Variants in SYT16 observed in about 807,000 individuals in gnomAD.
The protein encoded by SYT16 is synaptotagmin-16.
SYT16 carries 42 observed loss-of-function variants against 61.4 expected under a neutral mutation model. That is an observed-to-expected ratio of 0.68 (90% CI 0.53 to 0.89). The LOEUF is 0.89. Ranked by LOEUF, SYT16 falls within the 40% of genes least tolerant of loss-of-function variation. The pLI is 0.00. For synonymous variants in SYT16, 314 were observed against 302.3 expected, an observed-to-expected ratio of 1.04 and a Z score of -0.40; for missense variants, 804 against 807.3, an observed-to-expected ratio of 1.00 and a Z score of 0.05.
In SYT16 at chr14:61,863,103, G is replaced by A. The variant is rs143775142; in HGVS notation, c.-325+50293G>A. Among the ~76,000 whole-genome samples the A allele has an allele frequency of 4.2e-3, 635 of 152,264 alleles. 8 individuals are homozygous for A. Among genetic ancestry groups the A allele is most frequent in the African/African-American group, 0.014 (589 of 41,552 alleles). ...AACATTCATGTGCAGTTTTTTGTGT[G>A]GACATATATTTTCACGTCCTTTGGG... On this transcript the variant is annotated intron_variant, in intron 1 of 7. Transcript: ENST00000683842.
At position 61,903,003 on chromosome 14, in the gene SYT16, A is replaced by G. The variant is rs539072513; in HGVS notation, c.-324-67129A>G. Among the ~76,000 whole-genome samples, 8 of 152,326 alleles carry G rather than the reference A, an allele frequency of 5.3e-5. No individual in the cohort carries two copies. The South Asian group carries it at 1.2e-3, about 24-fold the overall frequency. On this transcript the variant is annotated intron_variant, in intron 1 of 7. Transcript: ENST00000683842. Reference sequence around the variant, plus strand: ...ATTTGGGTGGGGACACAGTCAAATCATATCAGTTTTTTACCAACAATATTT... The same window carrying G: ...ATTTGGGTGGGGACACAGTCAAATCGTATCAGTTTTTTACCAACAATATTT...
intron 1 of SYT16, among the ~76,000 whole-genome samples, chr14:61,944,156 C>G (rs1594973123): frequency 6.6e-6 from 1 of 152,256 alleles, no homozygotes; most frequent in East Asian, 1.9e-4. Context: ...GAATAAAATA[C>G]CTAGGAATCC....
At chr14:61,839,249 C>T (rs2046228793) in intron 1 of SYT16, among the ~76,000 whole-genome samples, 1 of 152,092 alleles carries the variant, frequency 6.6e-6, no homozygotes, top group Non-Finnish European at 1.5e-5. Context: ...TGGATTAATG[C>T]CACTATAAAA....
At chr14:61,876,097 C>T (rs529269939) in intron 1 of SYT16, among the ~76,000 whole-genome samples, 405 of 152,134 alleles carry the variant, frequency 2.7e-3, no homozygotes, top group Middle Eastern at 0.01. Context: ...TGTGTGAGTG[C>T]GTGTTTACTG....
chr14:62,098,316 TA>T (rs2057330526), intron 7 of SYT16, among the ~76,000 whole-genome samples: 2 of 152,360 alleles, frequency 1.3e-5, no homozygotes, highest in South Asian at 4.1e-4. Context: ...GGAAACACCC[TA>T]ACATTTTGAG....
rs1355768429 is a variant in SYT16, at chr14:61,822,321, CCTT to C, written c.-325+9515_-325+9517del. The stretch of plus-strand genomic sequence containing the variant: ...TGGATCCCCCATCTTTTCCCACACT[CCTT>C]CTTTGTCCTCGTGGGGCCACCAGCC... On this transcript the variant is annotated intron_variant, in intron 1 of 7. Coordinates refer to ENST00000683842, the MANE Select transcript of SYT16 (RefSeq NM_001367656.1). Among the ~76,000 whole-genome samples, 3 of 152,162 alleles carry C rather than the reference CCTT, an allele frequency of 2.0e-5. No homozygotes were observed. The East Asian group carries it at 5.8e-4, about 29-fold the overall frequency.
chr14:61,919,939 C>T (rs1471487808), intron 1 of SYT16, among the ~76,000 whole-genome samples: 1 of 21,180 alleles, frequency 4.7e-5, no homozygotes, highest in African/African-American at 1.8e-4. Context: ...CATCTCAAAT[C>T]CTTGATACAC....
chr14:61,854,344 A>G (rs2046710520), intron 1 of SYT16, among the ~76,000 whole-genome samples: 1 of 152,232 alleles, frequency 6.6e-6, no homozygotes, highest in African/African-American at 2.4e-5. Flanking sequence ...AATTTAAAAT[A>G]TACTCCAATG....
At chr14:62,071,465 A>G (rs1177028381) in intron 4 of SYT16, among the ~76,000 whole-genome samples, 1 of 152,206 alleles carries the variant, frequency 6.6e-6, no homozygotes, top group Non-Finnish European at 1.5e-5. Context: ...ACAGATGGTG[A>G]TAGAAAAGGT....
chr14:62,014,444 A>G (rs2053585875), intron 3 of SYT16, among the ~76,000 whole-genome samples: 1 of 151,690 alleles, frequency 6.6e-6, no homozygotes, highest in South Asian at 2.1e-4. Flanking sequence ...TAATTCAGAT[A>G]TGCATCCTCT....
At chr14:61,872,627 TGC>T (rs756853644) in intron 1 of SYT16, among the ~76,000 whole-genome samples, 4 of 152,198 alleles carry the variant, frequency 2.6e-5, no homozygotes, top group Non-Finnish European at 5.9e-5. Flanking sequence ...GACAATTTCT[TGC>T]TCATTATTTT....
chr14:61,838,650 T>G (rs1011995022), intron 1 of SYT16, among the ~76,000 whole-genome samples: 2 of 152,218 alleles, frequency 1.3e-5, no homozygotes, highest in Non-Finnish European at 2.9e-5. Flanking sequence ...CCTGTCTGGA[T>G]GGGAACTTTT....
intron 3 of SYT16, among the ~76,000 whole-genome samples, chr14:62,022,749 C>G (rs1187593968): frequency 1.3e-5 from 2 of 151,996 alleles, no homozygotes; most frequent in Admixed American, 6.6e-5. Context: ...TTTGCTTTGT[C>G]TAATCTGCCA....
chr14:62,058,495 C>G (rs924845849), intron 3 of SYT16, among the ~76,000 whole-genome samples: 1 of 151,902 alleles, frequency 6.6e-6, no homozygotes, highest in Non-Finnish European at 1.5e-5. Context: ...TCCTGAGTAG[C>G]TGGGATTAGA....
chr14:61,899,065 T>C (rs1267039220), intron 1 of SYT16, among the ~76,000 whole-genome samples: 2 of 152,270 alleles, frequency 1.3e-5, no homozygotes, highest in African/African-American at 4.8e-5. Context: ...ACATTTATTT[T>C]ATATTTTGTG....
At chr14:62,072,285 A>G (rs911634187) in intron 4 of SYT16, among the ~76,000 whole-genome samples, 3 of 152,204 alleles carry the variant, frequency 2.0e-5, no homozygotes, top group East Asian at 1.9e-4. Flanking sequence ...GAGATGGTAT[A>G]TCTGCCATGG....
chr14:61,982,464 C>T (rs1204208047), intron 2 of SYT16, among the ~76,000 whole-genome samples: 1 of 152,090 alleles, frequency 6.6e-6, no homozygotes, highest in South Asian at 2.1e-4. Context: ...GGGATTTCCC[C>T]TTATAAAACC....
At chr14:61,935,942 A>G (rs2049964532) in intron 1 of SYT16, among the ~76,000 whole-genome samples, 1 of 152,210 alleles carries the variant, frequency 6.6e-6, no homozygotes, top group Non-Finnish European at 1.5e-5. Flanking sequence ...CTGACCCTTC[A>G]GCCAGGGTTT....
In SYT16 at chr14:62,109,227, A is replaced by G. The variant is rs906284172; in HGVS notation, c.*8520A>G. ...AGCCCTGGCATCCACTGGTCCTTGT[A>G]CTGTCCCCAGAGTTTTGCCTTTTCC... On this transcript the variant is annotated 3_prime_UTR_variant, in exon 8 of 8. Transcript: ENST00000683842. 1 of 150,626 alleles carries G rather than the reference A, an allele frequency of 6.6e-6. No homozygotes were observed. The highest frequency in any genetic ancestry group is 1.5e-5 in the Non-Finnish European group (1 of 67,866). The allele number at this position is 150,626 out of a possible 1,614,324, so 9.3% of individuals were successfully genotyped here.
Sources: gnomAD v4.1 joint callset for allele counts (sites outside exome capture counted in the v4.1 genomes callset) on GRCh38, gnomAD v4.1.1 for gene constraint, MANE v1.5 for transcripts, NCBI Gene and HGNC (gene_info 2026-07-23, HGNC 2026-07-21) for gene names.